USP48: variants seen among roughly 807,000 people sequenced by gnomAD.
USP48 encodes ubiquitin carboxyl-terminal hydrolase 48.
USP48 carries 43 observed loss-of-function variants against 150.7 expected under a neutral mutation model. The observed-to-expected ratio is 0.29, with a 90% confidence interval of 0.22 to 0.37. USP48 has a LOEUF of 0.37. USP48 is among the 10% of genes least tolerant of loss of function. USP48 has a pLI of 1.00. For missense variants in USP48, 813 were observed against 1,249.6 expected (o/e 0.65, Z 5.27); for synonymous variants, 396 against 425.9 (o/e 0.93, Z 0.86).
chr1:21,759,948 G>A (rs1481564733), intron 1 of USP48, among the ~76,000 whole-genome samples: 1 of 152,182 alleles, frequency 6.6e-6, no homozygotes, highest in Admixed American at 6.6e-5. Context: ...ATTACAAAGG[G>A]AAAGATAATA....
intron 15 of USP48, among the ~76,000 whole-genome samples, chr1:21,708,884 CAAAA>C (rs1181628764): frequency 6.0e-5 from 1 of 16,604 alleles, no homozygotes; most frequent in Non-Finnish European, 1.5e-4. Flanking sequence ...GACTCCGTCT[CAAAA>C]AAAAAAAAAA....
intron 1 of USP48, among the ~76,000 whole-genome samples, chr1:21,775,396 G>C (rs1056750923): frequency 6.6e-6 from 1 of 152,132 alleles, no homozygotes; most frequent in African/African-American, 2.4e-5. Context: ...TGAGTAGCTG[G>C]AATTACAGGT....
intron 8 of USP48, among the ~76,000 whole-genome samples, chr1:21,740,510 G>T (rs762398540): frequency 6.6e-6 from 1 of 152,124 alleles, no homozygotes; most frequent in Non-Finnish European, 1.5e-5. Context: ...TAAGAAGCTA[G>T]CCCTCAAAAA....
At chr1:21,763,041 G>C (rs757759069) in intron 1 of USP48, among the ~76,000 whole-genome samples, 1 of 152,010 alleles carries the variant, frequency 6.6e-6, no homozygotes, top group African/African-American at 2.4e-5. Flanking sequence ...GGCTCTCCCT[G>C]TCCCCACCCA....
intron 9 of USP48, among the ~76,000 whole-genome samples, chr1:21,733,423 A>C (rs1196641204): frequency 1.3e-5 from 2 of 152,096 alleles, no homozygotes; most frequent in Middle Eastern, 3.2e-3. Context: ...TCTCAAAACA[A>C]AAAAAAGAGT....
At chr1:21,701,381 AG>A (rs1310883194) in intron 22 of USP48, 116 bp downstream of exon 22, 131 of 709,276 alleles carry the variant, frequency 1.8e-4, no homozygotes, top group Middle Eastern at 5.2e-4. Context: ...AAAAAAAAAA[AG>A]AAAAAAAAAG....
rs144449789 is a variant in USP48 at position 21,739,671 on chromosome 1, A to C, written c.992-3046T>G. On this transcript the variant is annotated intron_variant, in intron 8 of 26. Transcript: ENST00000308271. ...GAGAACACTTAAAATCTGTTATTTTAGCTATTTCAAAATGCACAACGCATT... is the reference window on the plus strand; with the variant it reads ...GAGAACACTTAAAATCTGTTATTTTCGCTATTTCAAAATGCACAACGCATT... 2.1e-3 allele frequency among the ~76,000 whole-genome samples: 327 copies of C among 152,244 alleles called. 2 individuals carry two copies. The highest frequency in any genetic ancestry group is 6.8e-3 in the African/African-American group (284 of 41,514).
chr1:21,742,797 T>G (rs1011065851), intron 8 of USP48, among the ~76,000 whole-genome samples: 8 of 152,180 alleles, frequency 5.3e-5, no homozygotes, highest in Admixed American at 3.9e-4. Flanking sequence ...AAGGGCTTTG[T>G]GGAGGAGATG....
chr1:21,756,422 A>G, intron 3 of USP48, 124 bp downstream of exon 3: 1 of 1,170,482 alleles, frequency 8.5e-7, no homozygotes, highest in Non-Finnish European at 1.2e-6. Flanking sequence ...CAGACGTTGC[A>G]GTGAACCGAG....
intron 21 of USP48, among the ~76,000 whole-genome samples, chr1:21,702,392 A>G (rs952982613): frequency 6.6e-6 from 1 of 152,086 alleles, no homozygotes; most frequent in African/African-American, 2.4e-5. Context: ...CCCAAGAGCC[A>G]TCCCTAATAT....
At chr1:21,745,493 G>C (rs7546755) in intron 8 of USP48, among the ~76,000 whole-genome samples, 7,715 of 152,100 alleles carry the variant, frequency 0.051, 240 homozygotes, top group Middle Eastern at 0.058. Context: ...AGGAGGCTGA[G>C]TCCGTGATGA....
At chr1:21,718,489 C>T (rs1397937346) in intron 14 of USP48, among the ~76,000 whole-genome samples, 1 of 151,774 alleles carries the variant, frequency 6.6e-6, no homozygotes, top group Non-Finnish European at 1.5e-5. Context: ...GCTATGCCAA[C>T]ATGAAGGCAC....
chr1:21,703,237 C>T (rs2097662384), intron 21 of USP48, among the ~76,000 whole-genome samples: 1 of 152,210 alleles, frequency 6.6e-6, no homozygotes, highest in Non-Finnish European at 1.5e-5. Flanking sequence ...ATTATACCTG[C>T]CTTCTTTATC....
At position 21,713,999 on chromosome 1, in the gene USP48, T is replaced by A. The variant is rs1328242207; in HGVS notation, c.1963+1390A>T. The stretch of plus-strand genomic sequence containing the variant: ...CGCAAGCTAAAGTGCAGTGAGATAA[T>A]CCAGAATGCTAGTACTACTCTAGTG... On this transcript the variant is annotated intron_variant, in intron 15 of 26. Coordinates refer to ENST00000308271, the MANE Select transcript of USP48 (RefSeq NM_032236.8). Among the ~76,000 whole-genome samples, 2 of 152,086 alleles carry A rather than the reference T, an allele frequency of 1.3e-5. 1 individual carries two copies. Among genetic ancestry groups the A allele is most frequent in the Non-Finnish European group, 2.9e-5 (2 of 68,014 alleles).
chr1:21,753,073 G>A lies in USP48; in HGVS notation c.459C>T (p.Ala153=). The change falls in exon 4 of 27, where the codon GCC becomes GCT. Residue 153 remains alanine, a synonymous_variant. Transcript: ENST00000308271. Reference sequence around the variant, plus strand: ...ATCGCCTATTACTGTTTTGCAACAAGGCAAACAAGTACTGGAGATGCTCAC... The same window carrying A: ...ATCGCCTATTACTGTTTTGCAACAAAGCAAACAAGTACTGGAGATGCTCAC... ...TICEHLQYLF[A]LLQNSNRRYI... is the part of the protein sequence containing the mutation. 6.2e-7 allele frequency: 1 copy of A among 1,612,594 alleles called. No homozygotes were observed. The highest frequency in any genetic ancestry group is 8.5e-7 in the Non-Finnish European group (1 of 1,179,552).
At chr1:21,727,931 T>C (rs960548033) in intron 11 of USP48, 32 of 984,828 alleles carry the variant, frequency 3.2e-5, no homozygotes, top group Non-Finnish European at 3.7e-5. Context: ...GGGGAATTCA[T>C]GTCTTTAAAA....
intron 1 of USP48, 93 bp from the exon 2 acceptor site, chr1:21,757,876 C>A: frequency 7.1e-7 from 1 of 1,401,492 alleles, no homozygotes; most frequent in Non-Finnish European, 9.4e-7. Flanking sequence ...CACTTCTCAT[C>A]TATAAATTAG....
chr1:21,741,077 G>A (rs1241964853), intron 8 of USP48, among the ~76,000 whole-genome samples: 1 of 152,168 alleles, frequency 6.6e-6, no homozygotes, highest in Non-Finnish European at 1.5e-5. Flanking sequence ...GCATTCAGAG[G>A]TAATAGTTGG....
chr1:21,752,013 T>A (rs2097816428), intron 5 of USP48, among the ~76,000 whole-genome samples: 1 of 116,398 alleles, frequency 8.6e-6, no homozygotes, highest in Admixed American at 9.4e-5. Flanking sequence ...CAAGAGTCCA[T>A]CTCAAAAAAA....
Sources: gnomAD v4.1 joint callset for allele counts (sites outside exome capture counted in the v4.1 genomes callset) on GRCh38, gnomAD v4.1.1 for gene constraint, MANE v1.5 for transcripts, NCBI Gene and HGNC (gene_info 2026-07-23, HGNC 2026-07-21) for gene names.